NCK2: variants seen among roughly 807,000 people sequenced by gnomAD.
NCK2 encodes the protein cytoplasmic protein NCK2.
Under a neutral mutation model 33.9 loss-of-function variants are expected in NCK2, and 16 were observed. That is an observed-to-expected ratio of 0.47 (90% confidence interval 0.32 to 0.72). The LOEUF (loss-of-function observed/expected upper bound fraction) is 0.72, where lower values mean the gene tolerates loss of function less well. Ranked by LOEUF, NCK2 falls within the 30% of genes least tolerant of loss-of-function variation. The pLI is 0.03. For synonymous variants in NCK2, 273 were observed against 239.9 expected, an observed-to-expected ratio of 1.14 and a Z score of -1.27; for missense variants, 418 against 537.3, an observed-to-expected ratio of 0.78 and a Z score of 2.19.
chr2:105,807,616 G>T (rs1675098400), intron 1 of NCK2, among the ~76,000 whole-genome samples: 1 of 152,048 alleles, frequency 6.6e-6, no homozygotes, highest in South Asian at 2.1e-4. Context: ...GAGTCACGCT[G>T]GGCAGCCCTT....
chr2:105,847,775 A>G (rs1344436282), intron 2 of NCK2, among the ~76,000 whole-genome samples: 1 of 152,240 alleles, frequency 6.6e-6, no homozygotes, highest in Non-Finnish European at 1.5e-5. Flanking sequence ...TTTACATTTT[A>G]TAATAGCTTG....
chr2:105,771,976 A>G (rs774421382), intron 1 of NCK2, among the ~76,000 whole-genome samples: 3 of 152,270 alleles, frequency 2.0e-5, no homozygotes, highest in East Asian at 3.9e-4. Flanking sequence ...ACACCCTTCA[A>G]AATTGGATAT....
At chr2:105,761,467 G>A (rs1689762177) in intron 1 of NCK2, among the ~76,000 whole-genome samples, 1 of 152,164 alleles carries the variant, frequency 6.6e-6, no homozygotes, top group Admixed American at 6.5e-5. Flanking sequence ...CAGGTGGGGG[G>A]ACACTACTTC....
intron 1 of NCK2, among the ~76,000 whole-genome samples, chr2:105,764,577 TA>T (rs1689874134): frequency 2.6e-5 from 4 of 152,344 alleles, no homozygotes; most frequent in African/African-American, 9.6e-5. Flanking sequence ...CAGTACCAGG[TA>T]AAAAGATCTC....
chr2:105,847,355 T>C, intron 2 of NCK2: 1 of 152,232 alleles, frequency 6.6e-6, no homozygotes, highest in East Asian at 1.9e-4. Context: ...TGTTAAACTT[T>C]GTTAAATATA....
chr2:105,767,276 G>A (rs766624888), intron 1 of NCK2, among the ~76,000 whole-genome samples: 14 of 152,150 alleles, frequency 9.2e-5, no homozygotes, highest in Non-Finnish European at 1.5e-4. Context: ...AATACTGCTC[G>A]TGACGTGGCC....
chr2:105,771,688 A>G (rs1690140616), intron 1 of NCK2, among the ~76,000 whole-genome samples: 1 of 152,200 alleles, frequency 6.6e-6, no homozygotes, highest in Non-Finnish European at 1.5e-5. Context: ...TTTAAAGCTG[A>G]TGTTTCTCAA....
chr2:105,753,760 A>G (rs1028303331), intron 1 of NCK2, among the ~76,000 whole-genome samples: 1 of 152,216 alleles, frequency 6.6e-6, no homozygotes, highest in Non-Finnish European at 1.5e-5. Context: ...GTAGGCAGGT[A>G]GGTTCTTGCT....
At chr2:105,830,670 G>GGTGTGT (rs56220635) in intron 2 of NCK2, among the ~76,000 whole-genome samples, 1,446 of 99,024 alleles carry the variant, frequency 0.015, 29 homozygotes, top group African/African-American at 0.048. Flanking sequence ...CCAGGAATTT[G>GGTGTGT]GTGTGTGTGT....
chr2:105,790,130 T>TA (rs1298175853), intron 1 of NCK2, among the ~76,000 whole-genome samples: 3 of 152,268 alleles, frequency 2.0e-5, no homozygotes, highest in Non-Finnish European at 2.9e-5. Context: ...ATTTGTGAGC[T>TA]AAAAATACGG....
chr2:105,884,032 A>AT (rs1573249117), intron 4 of NCK2, among the ~76,000 whole-genome samples: 1 of 152,022 alleles, frequency 6.6e-6, no homozygotes. Context: ...GACACGGGCC[A>AT]TTTTCAGCTG....
rs148750976 is a variant in NCK2 at position 105,790,604 on chromosome 2, T to C, written c.-200-25826T>C. ...TGCTGCCTGGAGTGTCATCACTTGA[T>C]GTGACATCTTACTGCATCCCCCGCA... is the stretch of plus-strand genomic sequence containing the variant. On this transcript the variant is annotated intron_variant, in intron 1 of 4. Coordinates refer to ENST00000233154, the MANE Select transcript of NCK2 (RefSeq NM_003581.5). Among the ~76,000 whole-genome samples, 409 of 152,366 alleles carry C rather than the reference T, an allele frequency of 2.7e-3. 3 individuals carry two copies. The highest frequency in any genetic ancestry group is 9.4e-3 in the African/African-American group (390 of 41,586).
At chr2:105,753,520 T>C (rs1342187391) in intron 1 of NCK2, among the ~76,000 whole-genome samples, 1 of 152,200 alleles carries the variant, frequency 6.6e-6, no homozygotes, top group Non-Finnish European at 1.5e-5. Context: ...TTAGCTCAAG[T>C]GGTCATGCAG....
At chr2:105,776,951 G>A (rs759683385) in intron 1 of NCK2, among the ~76,000 whole-genome samples, 1 of 151,318 alleles carries the variant, frequency 6.6e-6, no homozygotes, top group Non-Finnish European at 1.5e-5. Flanking sequence ...GCAGAATCTA[G>A]TATGGGGAGT....
intron 2 of NCK2, among the ~76,000 whole-genome samples, chr2:105,819,971 G>T (rs1469783058): frequency 6.6e-6 from 1 of 152,158 alleles, no homozygotes; most frequent in Non-Finnish European, 1.5e-5. Context: ...TGCCCTTTCA[G>T]GATGGGACCC....
chr2:105,817,828 G>A (rs1433121385), intron 2 of NCK2, among the ~76,000 whole-genome samples: 1 of 152,148 alleles, frequency 6.6e-6, no homozygotes, highest in African/African-American at 2.4e-5. Flanking sequence ...TGCACTGTTG[G>A]TGGGACTGTA....
At chr2:105,853,441 T>C (rs917620633) in intron 2 of NCK2, among the ~76,000 whole-genome samples, 1 of 152,244 alleles carries the variant, frequency 6.6e-6, no homozygotes, top group Non-Finnish European at 1.5e-5. Flanking sequence ...GCACATTTTA[T>C]AGATTTTAAC....
chr2:105,825,671 G>T (rs749083344), intron 2 of NCK2, among the ~76,000 whole-genome samples: 1 of 152,172 alleles, frequency 6.6e-6, no homozygotes, highest in Non-Finnish European at 1.5e-5. Flanking sequence ...TTTTATTAGA[G>T]ATTTTTTACG....
chr2:105,786,932 G>A (rs796616129), intron 1 of NCK2, among the ~76,000 whole-genome samples: 2 of 152,348 alleles, frequency 1.3e-5, no homozygotes, highest in African/African-American at 4.8e-5. Flanking sequence ...GCACCGTCCA[G>A]ACTCGAAGCA....
Sources: gnomAD v4.1 joint callset for allele counts (sites outside exome capture counted in the v4.1 genomes callset) on GRCh38, gnomAD v4.1.1 for gene constraint, MANE v1.5 for transcripts, NCBI Gene and HGNC (gene_info 2026-07-23, HGNC 2026-07-21) for gene names.